The following ADCY5 variants were observed in gnomAD, a reference collection of about 807,000 sequenced individuals.
The protein encoded by ADCY5 is adenylate cyclase 5, also known as adenylate cyclase type 5.
ADCY5 carries 30 observed loss-of-function variants against 119.7 expected under a neutral mutation model. That is an observed-to-expected ratio of 0.25 (90% CI 0.19 to 0.34). ADCY5 has a LOEUF of 0.34. Ranked by LOEUF, ADCY5 falls within the 10% of genes least tolerant of loss-of-function variation. The pLI is 1.00. For missense variants in ADCY5, 1,324 were observed against 1,775.2 expected (o/e 0.75, Z 4.57); for synonymous variants, 753 against 762.2 (o/e 0.99, Z 0.20).
intron 1 of ADCY5, among the ~76,000 whole-genome samples, chr3:123,353,879 G>A (rs1054259832): frequency 5.3e-5 from 8 of 152,232 alleles, no homozygotes; most frequent in African/African-American, 1.9e-4. Flanking sequence ...TCTTTCCCTG[G>A]AGACATCCCA....
At chr3:123,382,038 C>A (rs1944050318) in intron 1 of ADCY5, among the ~76,000 whole-genome samples, 1 of 152,168 alleles carries the variant, frequency 6.6e-6, no homozygotes, top group Non-Finnish European at 1.5e-5. Flanking sequence ...TCCTGGGGCC[C>A]CCCTGTTGTC....
intron 12 of ADCY5, among the ~76,000 whole-genome samples, chr3:123,312,263 G>A (rs1258249052): frequency 6.6e-6 from 1 of 152,164 alleles, no homozygotes; most frequent in African/African-American, 2.4e-5. Flanking sequence ...GTACCTGAAA[G>A]AAACAAATAA....
rs59746684 is a variant in ADCY5 at position 123,344,727 on chromosome 3, C to T, written c.1406+3055G>A. ...CCCCCATCTCCTACTTAACCACCAA[C>T]CCAAGCCAAAAGTTCAACCCCAAAA... On this transcript the variant is annotated intron_variant, in intron 3 of 20. Transcript: ENST00000462833. Among the ~76,000 whole-genome samples the T allele has an allele frequency of 4.9e-3, 748 of 152,282 alleles. 2 individuals are homozygous for T. Among genetic ancestry groups the T allele is most frequent in the African/African-American group, 0.016 (660 of 41,550 alleles).
chr3:123,414,691 G>A (rs1945144395), intron 1 of ADCY5, among the ~76,000 whole-genome samples: 1 of 152,146 alleles, frequency 6.6e-6, no homozygotes, highest in Non-Finnish European at 1.5e-5. Context: ...CAAGTAGCTG[G>A]GATTACAGGC....
chr3:123,285,168 G>A (rs968438854), intron 20 of ADCY5, among the ~76,000 whole-genome samples: 1 of 152,150 alleles, frequency 6.6e-6, no homozygotes, highest in African/African-American at 2.4e-5. Flanking sequence ...AGATCAGAAC[G>A]ATTTTTAAAA....
intron 1 of ADCY5, among the ~76,000 whole-genome samples, chr3:123,408,279 C>T (rs1024124748): frequency 1.3e-5 from 2 of 151,476 alleles, no homozygotes; most frequent in African/African-American, 2.4e-5. Flanking sequence ...AATGTAGGAA[C>T]AGCACACAAA....
At position 123,314,285 on chromosome 3, in the gene ADCY5, G is replaced by A; in HGVS notation, c.2392C>T (p.Leu798=). 5.0e-6 allele frequency: 8 copies of A among 1,613,916 alleles called. No homozygotes were observed. The highest frequency in any genetic ancestry group is 5.9e-6 in the Non-Finnish European group (7 of 1,179,858). ...ACAAACACCACCAAGGTCAGCAGCA[G>A]GGAACAGGTCAGGTAGAAGCTGAGC... ...FMLSFYLTCS[L]LLTLVVFVSV... is the part of the protein sequence containing the mutation. Residue 798 remains leucine, a synonymous_variant, in exon 12 of 21, where the codon CTG becomes TTG. Coordinates refer to ENST00000462833, the MANE Select transcript of ADCY5 (RefSeq NM_183357.3).
In ADCY5 at chr3:123,284,755, A is replaced by G. The variant is rs372348492; in HGVS notation, c.3658-19T>C. 3.7e-6 allele frequency: 6 copies of G among 1,613,776 alleles called. No homozygotes were observed. The highest frequency in any genetic ancestry group is 5.1e-6 in the Non-Finnish European group (6 of 1,179,870). On this transcript the variant is annotated intron_variant, in intron 20 of 20. Coordinates refer to ENST00000462833, the MANE Select transcript of ADCY5 (RefSeq NM_183357.3). ...TGGTGACCTGTGGGGGAACAGGAGG[A>G]GAGAGGGCAAGCCACTGATGGCCTT... is the stretch of plus-strand genomic sequence containing the variant.
intron 1 of ADCY5, among the ~76,000 whole-genome samples, chr3:123,436,969 G>A (rs1049903485): frequency 6.6e-6 from 1 of 152,102 alleles, no homozygotes; most frequent in Non-Finnish European, 1.5e-5. Context: ...TCCACTTTCT[G>A]TTTGGATTCT....
chr3:123,395,739 C>T (rs1028678071), intron 1 of ADCY5, among the ~76,000 whole-genome samples: 19 of 151,094 alleles, frequency 1.3e-4, no homozygotes, highest in Admixed American at 7.9e-4. Context: ...TTTTAATTGC[C>T]GGGTGTGGTG....
chr3:123,374,001 C>A (rs913013607), intron 1 of ADCY5, among the ~76,000 whole-genome samples: 2 of 152,162 alleles, frequency 1.3e-5, no homozygotes, highest in Non-Finnish European at 2.9e-5. Context: ...AGTACATGGG[C>A]AGCACCATGG....
At chr3:123,373,615 A>T (rs1943711359) in intron 1 of ADCY5, among the ~76,000 whole-genome samples, 1 of 152,182 alleles carries the variant, frequency 6.6e-6, no homozygotes, top group East Asian at 1.9e-4. Flanking sequence ...TGTTGTGAGC[A>T]CCCCAAGTGC....
At chr3:123,351,354 G>T (rs73186471) in intron 2 of ADCY5, among the ~76,000 whole-genome samples, 1 of 152,196 alleles carries the variant, frequency 6.6e-6, no homozygotes, top group African/African-American at 2.4e-5. Context: ...CATGTGCTCC[G>T]TGCCAGCCTG....
intron 5 of ADCY5, among the ~76,000 whole-genome samples, 177 bp downstream of exon 5, chr3:123,330,712 G>T (rs1424410854): frequency 6.6e-6 from 1 of 152,258 alleles, no homozygotes; most frequent in East Asian, 1.9e-4. Context: ...AGGAACCCTG[G>T]AGAAGGCAGA....
rs117121840 is a variant in ADCY5, at chr3:123,303,155, T to C, written c.2624A>G (p.Gln875Arg). ...CTCCGCCACGTGACACGCGTTGACC[T>C]GGCTCGCGCTGATGTTGTGCTCCTG... ...LAQEHNISAS[Q>R]VNACHVAESA... is the part of the protein sequence containing the mutation. Residue 875 changes from glutamine (Q) to arginine (R), a missense_variant, in exon 14 of 21, where the codon CAG becomes CGG. Gln to Arg is a conservative substitution (Grantham distance 43, BLOSUM62 1). Around this residue, in one of 6 missense-constraint regions of ADCY5, gnomAD observed 424 missense variants for 546.8 expected, o/e 0.78. Transcript: ENST00000462833. 6.7e-4 allele frequency: 1,085 copies of C among 1,613,896 alleles called. 23 individuals carry two copies. In the East Asian group the frequency reaches 0.024, roughly 36 times the overall value.
intron 13 of ADCY5, among the ~76,000 whole-genome samples, chr3:123,303,671 A>G (rs1156319393): frequency 6.6e-6 from 1 of 152,102 alleles, no homozygotes; most frequent in Non-Finnish European, 1.5e-5. Context: ...AAAAACAGAC[A>G]AAAATTAGCT....
intron 17 of ADCY5, among the ~76,000 whole-genome samples, chr3:123,293,944 A>G (rs890533823): frequency 5.3e-5 from 8 of 152,214 alleles, no homozygotes; most frequent in Non-Finnish European, 1.2e-4. Flanking sequence ...TGGAGCAGGG[A>G]AAGCACAAGA....
At chr3:123,339,249 A>G (rs1276049108) in intron 3 of ADCY5, among the ~76,000 whole-genome samples, 4 of 152,098 alleles carry the variant, frequency 2.6e-5, no homozygotes, top group African/African-American at 7.2e-5. Flanking sequence ...TTTGCCCCCC[A>G]TCATCCAACC....
Position 123,396,819 on chromosome 3 carries a change from C to CGAGAGAGAGAGA in ADCY5, c.1135-44250_1135-44239dup, listed in dbSNP as rs146072347. Among the ~76,000 whole-genome samples, 75 of 62,272 alleles carry CGAGAGAGAGAGA rather than the reference C, an allele frequency of 1.2e-3. 5 individuals are homozygous for CGAGAGAGAGAGA. The highest frequency in any genetic ancestry group is 4.3e-3 in the African/African-American group (74 of 17,234). 40.9% of individuals were successfully genotyped at this position (62,272 alleles called of 152,430 possible). ...GCAGGCAGGCAGGCAGGCAGGCAGG[C>CGAGAGAGAGAGA]GAGAGAGAGAGAGAGAGAGAGAGAC... On this transcript the variant is annotated intron_variant, in intron 1 of 20. Transcript: ENST00000462833.
Sources: gnomAD v4.1 joint callset for allele counts (sites outside exome capture counted in the v4.1 genomes callset) on GRCh38, gnomAD v4.1.1 for gene constraint, gnomAD v4.1.1 regional missense constraint, MANE v1.5 for transcripts, NCBI Gene and HGNC (gene_info 2026-07-23, HGNC 2026-07-21) for gene names.